The following LAMA2 variants were observed in gnomAD, a reference collection of about 807,000 sequenced individuals.
LAMA2 encodes the protein laminin subunit alpha-2.
Under a neutral mutation model 364.8 loss-of-function variants are expected in LAMA2, and 269 were observed. That is an observed-to-expected ratio of 0.74 (90% CI 0.67 to 0.82). The LOEUF (loss-of-function observed/expected upper bound fraction) is 0.82. LAMA2 is among the 40% of genes least tolerant of loss of function. The pLI is 0.00. For missense variants in LAMA2, 3,807 were observed against 3,873.2 expected, an observed-to-expected ratio of 0.98 and a Z score of 0.45; for synonymous variants, 1,379 against 1,370.6, an observed-to-expected ratio of 1.01 and a Z score of -0.14.
chr6:129,265,783 T>C (rs1272665928), intron 15 of LAMA2, among the ~76,000 whole-genome samples: 1 of 151,916 alleles, frequency 6.6e-6, no homozygotes, highest in Non-Finnish European at 1.5e-5. Context: ...GTTGATGGGT[T>C]CAGGAAACCA....
intron 1 of LAMA2, among the ~76,000 whole-genome samples, chr6:129,025,023 C>G (rs771008679): frequency 6.6e-6 from 1 of 152,144 alleles, no homozygotes; most frequent in Non-Finnish European, 1.5e-5. Context: ...TAAAAATTAA[C>G]TTAGAGCTAA....
chr6:128,935,570 G>A (rs1779766845), intron 1 of LAMA2, among the ~76,000 whole-genome samples: 1 of 152,024 alleles, frequency 6.6e-6, no homozygotes, highest in African/African-American at 2.4e-5. Flanking sequence ...AATCCTTTGG[G>A]TACTTAATTC....
chr6:129,120,832 C>T (rs1447866423), intron 4 of LAMA2, among the ~76,000 whole-genome samples: 3 of 143,484 alleles, frequency 2.1e-5, no homozygotes, highest in East Asian at 2.0e-4. Flanking sequence ...GCAAAAGATA[C>T]GGGAAAATGT....
intron 58 of LAMA2, 63 bp downstream of exon 58, chr6:129,492,546 A>G (rs1673019391): frequency 7.0e-7 from 1 of 1,435,706 alleles, no homozygotes. Context: ...GTCATTTCAG[A>G]AGGAAGATTA....
intron 4 of LAMA2, among the ~76,000 whole-genome samples, chr6:129,123,842 T>C (rs184299599): frequency 3.9e-5 from 6 of 152,346 alleles, no homozygotes; most frequent in African/African-American, 1.4e-4. Context: ...TTAACATTAC[T>C]GTATCGTATG....
chr6:129,345,647 C>CT (rs1361996200), intron 30 of LAMA2, among the ~76,000 whole-genome samples: 4 of 152,070 alleles, frequency 2.6e-5, no homozygotes, highest in African/African-American at 4.8e-5. Context: ...GTAAGATACA[C>CT]TTTTTTATAT....
chr6:129,423,043 TAGTC>T (rs1241541475), intron 40 of LAMA2, among the ~76,000 whole-genome samples: 2 of 152,170 alleles, frequency 1.3e-5, no homozygotes, highest in East Asian at 1.9e-4. Context: ...TATTTGAAAT[TAGTC>T]AGTGTAATTT....
At chr6:129,019,909 C>A (rs1168594581) in intron 1 of LAMA2, among the ~76,000 whole-genome samples, 1 of 151,934 alleles carries the variant, frequency 6.6e-6, no homozygotes, top group Admixed American at 6.6e-5. Context: ...CATGGCGAAA[C>A]CCTGGTCTCT....
At chr6:129,108,803 C>G (rs1775977868) in intron 4 of LAMA2, among the ~76,000 whole-genome samples, 1 of 152,024 alleles carries the variant, frequency 6.6e-6, no homozygotes, top group African/African-American at 2.4e-5. Flanking sequence ...TGTTATTCCT[C>G]TAAAAGTTTA....
At chr6:129,444,684 G>A (rs992244381) in intron 44 of LAMA2, among the ~76,000 whole-genome samples, 6 of 152,118 alleles carry the variant, frequency 3.9e-5, no homozygotes, top group African/African-American at 1.4e-4. Context: ...GAGCACATGT[G>A]ATTCGTTCCT....
intron 1 of LAMA2, among the ~76,000 whole-genome samples, chr6:129,033,305 T>C (rs1296707686): frequency 6.6e-6 from 1 of 152,100 alleles, no homozygotes; most frequent in African/African-American, 2.4e-5. Flanking sequence ...GAAAACATAA[T>C]GTGGAACAGT....
At chr6:129,088,718 C>T (rs1009344673) in intron 3 of LAMA2, among the ~76,000 whole-genome samples, 20 of 145,494 alleles carry the variant, frequency 1.4e-4, no homozygotes, top group South Asian at 2.2e-4. Flanking sequence ...TCAGATGGGG[C>T]GGCTGCCGGG....
intron 12 of LAMA2, among the ~76,000 whole-genome samples, chr6:129,215,123 A>G (rs143663886): frequency 1.6e-3 from 247 of 152,290 alleles, no homozygotes; most frequent in Non-Finnish European, 3.0e-3. Flanking sequence ...CTTTTTCTTC[A>G]GACAGATGGA....
chr6:129,280,178 G>A (rs750625423), intron 18 of LAMA2, 31 bp downstream of exon 18: 11 of 1,386,388 alleles, frequency 7.9e-6, no homozygotes, highest in Non-Finnish European at 1.1e-5. Flanking sequence ...CTTGCAAAAT[G>A]ATTTCTACCT....
At chr6:128,995,078 T>A (rs1783845204) in intron 1 of LAMA2, among the ~76,000 whole-genome samples, 1 of 152,222 alleles carries the variant, frequency 6.6e-6, no homozygotes, top group African/African-American at 2.4e-5. Flanking sequence ...CTCCTATAGA[T>A]GAATCTCTGC....
chr6:129,060,466 T>G (rs1001140513), intron 3 of LAMA2, among the ~76,000 whole-genome samples: 2 of 152,238 alleles, frequency 1.3e-5, no homozygotes, highest in Admixed American at 1.3e-4. Flanking sequence ...ATGCTTAATC[T>G]CTTTCTTCCT....
chr6:129,393,209 C>A lies in LAMA2; in HGVS notation c.5399C>A (p.Ala1800Asp). 6.2e-7 allele frequency: 1 copy of A among 1,614,014 alleles called. No individual in the cohort carries two copies. The highest frequency in any genetic ancestry group is 2.2e-5 in the East Asian group (1 of 44,872). ...GAAGCCACAGATAAAATCAGAGAAG[C>A]TAATCGCCTATTTGCAGTAAATCAG... Reference protein sequence around the residue: ...LREATDKIREANRLFAVNQKN... With the variant: ...LREATDKIREDNRLFAVNQKN... Residue 1800 changes from alanine to aspartate, a missense_variant, in exon 37 of 65, where the codon GCT becomes GAT. Ala to Asp is a moderately radical substitution (Grantham distance 126). Coordinates refer to ENST00000421865, the MANE Select transcript of LAMA2 (RefSeq NM_000426.4).
In LAMA2 at chr6:128,914,776, A is replaced by G. The variant is rs1294302957; in HGVS notation, c.112+31419A>G. Among the ~76,000 whole-genome samples the G allele has an allele frequency of 2.0e-5, 3 of 152,312 alleles. No individual in the cohort carries two copies. In the East Asian group the frequency reaches 5.8e-4, roughly 29 times the overall value. On this transcript the variant is annotated intron_variant, in intron 1 of 64. Coordinates refer to ENST00000421865, the MANE Select transcript of LAMA2 (RefSeq NM_000426.4). ...TTTAGGTGAAGATAGCAAATCTTCTAAAACAGACTGATAATTAAACTGGGT... is the reference window on the plus strand; with the variant it reads ...TTTAGGTGAAGATAGCAAATCTTCTGAAACAGACTGATAATTAAACTGGGT...
chr6:129,095,618 A>T (rs183740147), intron 3 of LAMA2, among the ~76,000 whole-genome samples: 1 of 152,162 alleles, frequency 6.6e-6, no homozygotes, highest in East Asian at 1.9e-4. Flanking sequence ...TGGGTTAAAG[A>T]TGTACAAGCT....
Sources: gnomAD v4.1 joint callset for allele counts (sites outside exome capture counted in the v4.1 genomes callset) on GRCh38, gnomAD v4.1.1 for gene constraint, MANE v1.5 for transcripts, NCBI Gene and HGNC (gene_info 2026-07-23, HGNC 2026-07-21) for gene names.